Variants in IMPG1 observed in about 807,000 individuals in gnomAD.
IMPG1 encodes interphotoreceptor matrix proteoglycan 1.
A neutral mutation model predicts 92.0 loss-of-function variants in IMPG1; 85 were observed. The ratio of observed to expected loss-of-function variants is 0.92; its 90% CI spans 0.78 to 1.11. IMPG1 has a LOEUF of 1.11. IMPG1 is among the 50% of genes least tolerant of loss of function. The pLI, the probability that IMPG1 is intolerant of heterozygous loss-of-function variation, is 0.00. For missense variants in IMPG1, 1,022 were observed against 956.0 expected, an observed-to-expected ratio of 1.07 and a Z score of -0.91; for synonymous variants, 367 against 334.1, an observed-to-expected ratio of 1.10 and a Z score of -1.08.
At chr6:75,924,070 T>A (rs1458119842) in intron 15 of IMPG1, among the ~76,000 whole-genome samples, 6 of 152,034 alleles carry the variant, frequency 3.9e-5, no homozygotes, top group Non-Finnish European at 8.8e-5. Context: ...TTAGAATGGC[T>A]ATTATCAAAA....
chr6:76,021,211 GT>G (rs1382226951), intron 6 of IMPG1, among the ~76,000 whole-genome samples: 1 of 152,148 alleles, frequency 6.6e-6, no homozygotes, highest in Non-Finnish European at 1.5e-5. Context: ...TGAACCAATT[GT>G]CAACCAGAAA....
chr6:75,958,357 T>C (rs1039794374), intron 12 of IMPG1, among the ~76,000 whole-genome samples: 3 of 152,210 alleles, frequency 2.0e-5, no homozygotes, highest in Admixed American at 1.3e-4. Context: ...CTGATGATTA[T>C]GTGTCTTGGG....
chr6:75,932,080 A>G (rs1781677091), intron 14 of IMPG1, among the ~76,000 whole-genome samples: 1 of 152,234 alleles, frequency 6.6e-6, no homozygotes, highest in Admixed American at 6.5e-5. Context: ...TTATTCTTTA[A>G]CCAAATAACT....
chr6:76,031,390 C>T (rs1783650749), intron 4 of IMPG1, among the ~76,000 whole-genome samples: 1 of 152,192 alleles, frequency 6.6e-6, no homozygotes, highest in South Asian at 2.1e-4. Context: ...GTACATATTT[C>T]TGCCACACCC....
chr6:75,924,548 T>C (rs1781494803), intron 15 of IMPG1, among the ~76,000 whole-genome samples: 1 of 46,536 alleles, frequency 2.1e-5, no homozygotes, highest in Non-Finnish European at 3.9e-5. Flanking sequence ...TTATATAATA[T>C]AATTAATATA....
chr6:75,978,940 C>G (rs1163637099), intron 12 of IMPG1, among the ~76,000 whole-genome samples: 6 of 152,094 alleles, frequency 3.9e-5, no homozygotes, highest in African/African-American at 7.2e-5. Context: ...AGGACAAGGT[C>G]TCTGTCTGTT....
chr6:75,983,570 T>G (rs1782664701), intron 12 of IMPG1, among the ~76,000 whole-genome samples: 1 of 152,002 alleles, frequency 6.6e-6, no homozygotes, highest in Admixed American at 6.6e-5. Context: ...TATACAAAAA[T>G]CAACTCAAAA....
At chr6:75,958,041 T>C (rs1229811950) in intron 12 of IMPG1, among the ~76,000 whole-genome samples, 18 of 152,260 alleles carry the variant, frequency 1.2e-4, no homozygotes, top group Admixed American at 1.2e-3. Flanking sequence ...CAGCGGCTGT[T>C]ACCAGTTGTT....
intron 4 of IMPG1, among the ~76,000 whole-genome samples, chr6:76,029,600 G>A (rs1209396146): frequency 5.3e-5 from 8 of 152,174 alleles, no homozygotes. Flanking sequence ...TCTGGCTGCA[G>A]CTCAGAAAGA....
At chr6:76,011,096 G>T in intron 8 of IMPG1, 70 bp downstream of exon 8, 1 of 840,310 alleles carries the variant, frequency 1.2e-6, no homozygotes, top group Non-Finnish European at 2.0e-6. Flanking sequence ...AATCCTTATG[G>T]CATTGTTTTT....
chr6:76,040,423 A>G (rs1031755530), intron 2 of IMPG1, among the ~76,000 whole-genome samples: 3 of 152,164 alleles, frequency 2.0e-5, no homozygotes, highest in African/African-American at 7.2e-5. Context: ...CCCTGAGCAA[A>G]CGATATGGAA....
intron 11 of IMPG1, among the ~76,000 whole-genome samples, chr6:76,003,211 G>A (rs908801838): frequency 2.0e-4 from 30 of 152,146 alleles, no homozygotes; most frequent in Admixed American, 1.8e-3. Flanking sequence ...ATTGCTTCTC[G>A]GATAACTGAA....
chr6:75,929,989 A>T lies in IMPG1; in HGVS notation c.2243+964T>A, dbSNP rs960438053. 1.1e-4 allele frequency among the ~76,000 whole-genome samples: 16 copies of T among 152,194 alleles called. 1 individual carries two copies. Among genetic ancestry groups the T allele is most frequent in the Non-Finnish European group, 2.1e-4 (14 of 68,040 alleles). ...AATGTATGAGTTTGTGTTTGAAAAA[A>T]AAATTAGGATGTTTGTCTTTATTAA... On this transcript the variant is annotated intron_variant, in intron 15 of 16. Coordinates refer to ENST00000369950, the MANE Select transcript of IMPG1 (RefSeq NM_001563.4).
intron 1 of IMPG1, among the ~76,000 whole-genome samples, chr6:76,064,733 C>A (rs891112647): frequency 6.6e-6 from 1 of 152,162 alleles, no homozygotes; most frequent in African/African-American, 2.4e-5. Flanking sequence ...CAATGGAGAA[C>A]CTCTCCTGGT....
At chr6:75,924,476 T>G (rs1781488329) in intron 15 of IMPG1, among the ~76,000 whole-genome samples, 1 of 101,750 alleles carries the variant, frequency 9.8e-6, no homozygotes, top group East Asian at 2.3e-4. Context: ...TAAATATAAT[T>G]ATATATTATA....
chr6:76,034,736 G>T lies in IMPG1; in HGVS notation c.353C>A (p.Pro118His), dbSNP rs557986271. ...EAYRIFLDRI[P>H]DTGEYQDWVS... The stretch of plus-strand genomic sequence containing the variant: ...CCAGTCCTGATATTCCCCTGTGTCA[G>T]GGATGCGATCCAGAAAGATCCGATA... The change falls in exon 3 of 17, where the codon CCT becomes CAT. Residue 118 changes from proline (P) to histidine (H), a missense_variant. This residue lies in a region of IMPG1 where 681 missense variants were observed against 583.6 expected (regional missense o/e 1.17). Transcript: ENST00000369950. 2 of 1,614,108 alleles carry T rather than the reference G, an allele frequency of 1.2e-6. No homozygotes were observed. The highest frequency in any genetic ancestry group is 4.5e-5 in the East Asian group (2 of 44,866).
chr6:75,991,488 T>C lies in IMPG1; in HGVS notation c.1291+11430A>G, dbSNP rs151039492. On this transcript the variant is annotated intron_variant, in intron 12 of 16. Coordinates refer to ENST00000369950, the MANE Select transcript of IMPG1 (RefSeq NM_001563.4). ...TTTGAGTCCAGATAAGGGAACATGATACAGAAACCCTTGCAGCTATGAAAA... is the reference window on the plus strand; with the variant it reads ...TTTGAGTCCAGATAAGGGAACATGACACAGAAACCCTTGCAGCTATGAAAA... Among the ~76,000 whole-genome samples, 172 of 152,136 alleles carry C rather than the reference T, an allele frequency of 1.1e-3. 1 individual carries two copies. Among genetic ancestry groups the C allele is most frequent in the African/African-American group, 4.0e-3 (164 of 41,504 alleles).
At chr6:75,979,213 C>T (rs1782588106) in intron 12 of IMPG1, among the ~76,000 whole-genome samples, 1 of 152,078 alleles carries the variant, frequency 6.6e-6, no homozygotes, top group Non-Finnish European at 1.5e-5. Context: ...CACTGCACCC[C>T]ACCAAGATTA....
In IMPG1 at chr6:76,031,453, C is replaced by T. The variant is rs1783651892; in HGVS notation, c.497+2862G>A. ...ATACAAAATATTATTAATCAGCCTGCCACAGGCTCTGGCCAATCAGAACAG... is the reference window on the plus strand; with the variant it reads ...ATACAAAATATTATTAATCAGCCTGTCACAGGCTCTGGCCAATCAGAACAG... On this transcript the variant is annotated intron_variant, in intron 4 of 16. Coordinates refer to ENST00000369950, the MANE Select transcript of IMPG1 (RefSeq NM_001563.4). 2.0e-5 allele frequency among the ~76,000 whole-genome samples: 3 copies of T among 152,186 alleles called. No individual in the cohort carries two copies. The South Asian group carries it at 6.2e-4, about 32-fold the overall frequency.
Sources: gnomAD v4.1 joint callset for allele counts (sites outside exome capture counted in the v4.1 genomes callset) on GRCh38, gnomAD v4.1.1 for gene constraint, gnomAD v4.1.1 regional missense constraint, MANE v1.5 for transcripts, NCBI Gene and HGNC (gene_info 2026-07-23, HGNC 2026-07-21) for gene names.